TACC2: variants seen among roughly 807,000 people sequenced by gnomAD.
TACC2 encodes transforming acidic coiled-coil containing protein 2.
Under a neutral mutation model 227.3 loss-of-function variants are expected in TACC2, and 137 were observed. The ratio of observed to expected loss-of-function variants is 0.60; its 90% CI spans 0.52 to 0.69. The LOEUF (loss-of-function observed/expected upper bound fraction) is 0.69. Among genes scored for constraint, TACC2 ranks in the 30% least tolerant of loss-of-function variants. The probability of loss-of-function intolerance (pLI) is 0.00; values close to 1 mark genes in which losing one functional copy is unlikely to be tolerated. For synonymous variants in TACC2, 1,523 were observed against 1,487.5 expected, an observed-to-expected ratio of 1.02 and a Z score of -0.55; for missense variants, 3,470 against 3,694.4, an observed-to-expected ratio of 0.94 and a Z score of 1.57.
intron 7 of TACC2, among the ~76,000 whole-genome samples, chr10:122,173,847 G>GA (rs2093589774): frequency 6.6e-6 from 1 of 152,220 alleles, no homozygotes; most frequent in Non-Finnish European, 1.5e-5. Context: ...CACCATGAAA[G>GA]CCAGCCCCTC....
At position 122,082,820 on chromosome 10, in the gene TACC2, C is replaced by G. The variant is rs375164406; in HGVS notation, c.320C>G (p.Pro107Arg). The G allele has an allele frequency of 6.2e-7, 1 of 1,613,634 alleles. No individual in the cohort carries two copies. Among genetic ancestry groups the G allele is most frequent in the Non-Finnish European group, 8.5e-7 (1 of 1,180,034 alleles). ...SPPPSQEREH[P>R]SSSMPFAECP... is the part of the protein sequence containing the mutation. ...CCACCGTCCCAGGAGCGAGAGCACC[C>G]CTCGTCCTCCATGCCCTTTGCCGAG... is the stretch of plus-strand genomic sequence containing the variant. Residue 107 changes from proline to arginine, a missense_variant, in exon 4 of 23, where the codon CCC (proline) becomes CGC (arginine). Around this residue, in one of 10 missense-constraint regions of TACC2, gnomAD observed 405 missense variants for 389.6 expected, o/e 1.04. Transcript: ENST00000369005.
Position 122,084,687 on chromosome 10 carries a change from A to G in TACC2, c.2187A>G (p.Ala729=), listed in dbSNP as rs903795349. The G allele has an allele frequency of 1.4e-5, 22 of 1,613,714 alleles. No homozygotes were observed. The highest frequency in any genetic ancestry group is 1.9e-5 in the Non-Finnish European group (22 of 1,180,038). ...EKSDFPPTPV[A]EVAPKAQEGE... The stretch of plus-strand genomic sequence containing the variant: ...CAGATTTTCCACCAACTCCTGTTGC[A>G]GAGGTTGCACCCAAAGCCCAGGAAG... Residue 729 remains alanine (A), a synonymous_variant, in exon 4 of 23, where the codon GCA becomes GCG. Transcript: ENST00000369005.
chr10:122,012,459 G>A (rs1410709567), intron 1 of TACC2, among the ~76,000 whole-genome samples: 1 of 141,958 alleles, frequency 7.0e-6, no homozygotes, highest in Non-Finnish European at 1.5e-5. Flanking sequence ...TCGCCATGTT[G>A]GCCAGGCTGA....
intron 14 of TACC2, among the ~76,000 whole-genome samples, chr10:122,228,320 C>G (rs2095667186): frequency 6.6e-6 from 1 of 152,252 alleles, no homozygotes; most frequent in African/African-American, 2.4e-5. Flanking sequence ...AAGCAGTCCT[C>G]TGCCGCTTCG....
intron 5 of TACC2, among the ~76,000 whole-genome samples, chr10:122,111,256 T>C (rs1201188988): frequency 6.6e-6 from 1 of 152,236 alleles, no homozygotes; most frequent in African/African-American, 2.4e-5. Flanking sequence ...TGTGGCCATC[T>C]TGCCGGGGCC....
chr10:122,137,675 G>T (rs2089926167), intron 6 of TACC2, among the ~76,000 whole-genome samples: 1 of 152,202 alleles, frequency 6.6e-6, no homozygotes, highest in African/African-American at 2.4e-5. Flanking sequence ...CTGTGGGTCA[G>T]ACTTCAGTGT....
chr10:122,143,187 C>A (rs1406346837), intron 6 of TACC2, among the ~76,000 whole-genome samples: 1 of 152,192 alleles, frequency 6.6e-6, no homozygotes, highest in Admixed American at 6.5e-5. Flanking sequence ...TATTTTAGTT[C>A]TCACCTTGTA....
intron 3 of TACC2, among the ~76,000 whole-genome samples, chr10:122,080,272 G>A (rs565085496): frequency 1.6e-5 from 2 of 128,504 alleles, no homozygotes; most frequent in African/African-American, 6.0e-5. Context: ...TCACTCTGTT[G>A]CCCAGGCTGG....
At chr10:122,116,616 A>G (rs1052109977) in intron 5 of TACC2, among the ~76,000 whole-genome samples, 63 of 152,234 alleles carry the variant, frequency 4.1e-4, no homozygotes, top group African/African-American at 1.4e-3. Context: ...GCACATGAAT[A>G]TACTTGATAA....
chr10:122,069,635 T>A (rs1021001654), intron 3 of TACC2, among the ~76,000 whole-genome samples: 1 of 152,192 alleles, frequency 6.6e-6, no homozygotes, highest in African/African-American at 2.4e-5. Flanking sequence ...CTTCTTGTAG[T>A]TAATAATTCC....
intron 2 of TACC2, among the ~76,000 whole-genome samples, chr10:122,032,822 G>T (rs1959149598): frequency 6.6e-6 from 1 of 152,154 alleles, no homozygotes; most frequent in African/African-American, 2.4e-5. Flanking sequence ...AGCCGGGCGT[G>T]GTGGCATGCA....
At position 122,086,497 on chromosome 10, in the gene TACC2, C is replaced by G; in HGVS notation, c.3997C>G (p.Pro1333Ala). The change falls in exon 4 of 23, where the codon CCA (proline) becomes GCA (alanine). Residue 1333 changes from proline (P) to alanine (A), a missense_variant. Around this residue, in one of 10 missense-constraint regions of TACC2, gnomAD observed 1,924 missense variants for 1,978.3 expected, o/e 0.97. Transcript: ENST00000369005. Reference sequence around the variant, plus strand: ...CTCCATGCCATGCCTGGACCGGATGCCACTTCTGGCCAAGGGCAAGCAGGC... The same window carrying G: ...CTCCATGCCATGCCTGGACCGGATGGCACTTCTGGCCAAGGGCAAGCAGGC... ...VDSMPCLDRM[P>A]LLAKGKQATG... The G allele has an allele frequency of 6.2e-7, 1 of 1,613,540 alleles. No homozygotes were observed. The highest frequency in any genetic ancestry group is 8.5e-7 in the Non-Finnish European group (1 of 1,179,936).
chr10:122,216,268 G>A (rs1310052471), intron 10 of TACC2, among the ~76,000 whole-genome samples: 1 of 152,294 alleles, frequency 6.6e-6, no homozygotes, highest in East Asian at 1.9e-4. Flanking sequence ...ATGCTTGTCA[G>A]GTGATTCTGG....
At chr10:122,015,270 C>T (rs184746236) in intron 1 of TACC2, among the ~76,000 whole-genome samples, 71 of 152,030 alleles carry the variant, frequency 4.7e-4, no homozygotes, top group Middle Eastern at 3.4e-3. Context: ...TTTAGGAGGC[C>T]GAGGTGGGGG....
intron 5 of TACC2, among the ~76,000 whole-genome samples, chr10:122,092,100 G>A (rs1046986396): frequency 2.6e-5 from 4 of 152,216 alleles, no homozygotes; most frequent in African/African-American, 9.6e-5. Context: ...TGACCTGCAC[G>A]ATTATATCTC....
intron 7 of TACC2, among the ~76,000 whole-genome samples, chr10:122,167,890 T>G (rs2093268794): frequency 1.3e-5 from 2 of 152,078 alleles, no homozygotes; most frequent in South Asian, 4.2e-4. Context: ...TTTTTCTTTT[T>G]CTTTCTTTTT....
At chr10:122,224,618 C>A in intron 11 of TACC2, 108 bp from the exon 12 acceptor site, 1 of 920,038 alleles carries the variant, frequency 1.1e-6, no homozygotes, top group Non-Finnish European at 1.8e-6. Context: ...AAGCCCAGAG[C>A]CTTGTGATAG....
At chr10:122,003,284 C>T (rs1173911713) in intron 1 of TACC2, among the ~76,000 whole-genome samples, 1 of 151,590 alleles carries the variant, frequency 6.6e-6, no homozygotes, top group South Asian at 2.1e-4. Context: ...CTATTTCTGC[C>T]TTTAACTTTA....
intron 9 of TACC2, among the ~76,000 whole-genome samples, chr10:122,214,633 C>T (rs2095363926): frequency 6.6e-6 from 1 of 152,186 alleles, no homozygotes; most frequent in African/African-American, 2.4e-5. Flanking sequence ...TGGAACTGCT[C>T]AGGCTAAAAG....
Sources: gnomAD v4.1 joint callset for allele counts (sites outside exome capture counted in the v4.1 genomes callset) on GRCh38, gnomAD v4.1.1 for gene constraint, gnomAD v4.1.1 regional missense constraint, MANE v1.5 for transcripts, NCBI Gene and HGNC (gene_info 2026-07-23, HGNC 2026-07-21) for gene names.